AKT2: variants seen among roughly 807,000 people sequenced by gnomAD.
AKT2 encodes AKT serine/threonine kinase 2.
In AKT2, 16 loss-of-function variants were observed where a neutral mutation model predicts 58.6. The ratio of observed to expected loss-of-function variants is 0.27; its 90% confidence interval spans 0.18 to 0.41. AKT2 has a LOEUF of 0.41. Ranked by LOEUF, AKT2 falls within the 10% of genes least tolerant of loss-of-function variation. AKT2 has a pLI of 1.00. For synonymous variants in AKT2, 253 were observed against 254.0 expected (o/e 1.00, Z 0.04); for missense variants, 438 against 661.0 (o/e 0.66, Z 3.70).
intron 1 of AKT2, among the ~76,000 whole-genome samples, chr19:40,271,024 A>G (rs866294328): frequency 3.2e-4 from 45 of 142,570 alleles, no homozygotes; most frequent in South Asian, 1.3e-3. Flanking sequence ...AAAAACAGAC[A>G]AACAAACAAA....
intron 2 of AKT2, among the ~76,000 whole-genome samples, chr19:40,262,302 C>T (rs1976022282): frequency 6.6e-6 from 1 of 151,932 alleles, no homozygotes; most frequent in African/African-American, 2.4e-5. Context: ...AATTGTATTC[C>T]TATTTTGCGG....
chr19:40,259,484 A>T lies in AKT2; in HGVS notation c.47-2430T>A, dbSNP rs563372719. Among the ~76,000 whole-genome samples, 65 of 152,374 alleles carry T rather than the reference A, an allele frequency of 4.3e-4. No individual in the cohort carries two copies. The South Asian group carries it at 0.013, about 30-fold the overall frequency. ...ATATAAGAGCTAAAACTACAAAAAA[A>T]GTCTAAGAATACATGAGTAAATCTC... On this transcript the variant is annotated intron_variant, in intron 2 of 13. Coordinates refer to ENST00000392038, the MANE Select transcript of AKT2 (RefSeq NM_001626.6).
chr19:40,257,857 C>T (rs1479829720), intron 2 of AKT2, among the ~76,000 whole-genome samples: 3 of 152,034 alleles, frequency 2.0e-5, no homozygotes, highest in African/African-American at 7.3e-5. Context: ...GTGGAGGGAC[C>T]GTAACTTATG....
chr19:40,236,469 G>A (rs774683179), intron 9 of AKT2, 84 bp from the exon 10 acceptor site: 41 of 1,578,678 alleles, frequency 2.6e-5, no homozygotes, highest in African/African-American at 1.8e-4. Flanking sequence ...AAAGATGCCC[G>A]GGGCTCCTGG....
intron 6 of AKT2, 184 bp from the exon 7 acceptor site, chr19:40,240,294 T>C (rs1437301785): frequency 2.6e-6 from 2 of 780,662 alleles, no homozygotes; most frequent in Admixed American, 1.8e-5. Flanking sequence ...ACGAGGATCA[T>C]CAGTGGCTCT....
chr19:40,282,040 T>G (rs1274939922), intron 1 of AKT2, among the ~76,000 whole-genome samples: 1 of 152,136 alleles, frequency 6.6e-6, no homozygotes, highest in Non-Finnish European at 1.5e-5. Flanking sequence ...GTGCTCTCAC[T>G]CGCTTCCATA....
At chr19:40,268,917 G>A (rs62107590) in intron 1 of AKT2, 27,198 of 152,162 alleles carry the variant, frequency 0.18, 2,703 homozygotes, top group African/African-American at 0.25. Context: ...ACCTGAGGTC[G>A]GGAGTTCGAG....
chr19:40,268,211 G>A (rs1031567280), intron 1 of AKT2, among the ~76,000 whole-genome samples: 7 of 152,204 alleles, frequency 4.6e-5, no homozygotes, highest in Non-Finnish European at 8.8e-5. Context: ...GATGTGGAGG[G>A]AATAGAACAG....
At chr19:40,245,631 T>A (rs780083807) in intron 4 of AKT2, among the ~76,000 whole-genome samples, 49 of 152,158 alleles carry the variant, frequency 3.2e-4, no homozygotes, top group Non-Finnish European at 5.6e-4. Flanking sequence ...AAGGAGGAAC[T>A]GGGGCACAGA....
At position 40,265,365 on chromosome 19, in the gene AKT2, G is replaced by A. The variant is rs1976273039; in HGVS notation, c.-84-14C>T. ...ACAGGGCACAGTCTGCAAGACAAGA[G>A]AGGAGCTGGTCAGGGCGGGAGGGGA... On this transcript the variant is annotated splice_polypyrimidine_tract_variant and intron_variant, in intron 1 of 13. Coordinates refer to ENST00000392038, the MANE Select transcript of AKT2 (RefSeq NM_001626.6). 5 of 1,557,270 alleles carry A rather than the reference G, an allele frequency of 3.2e-6. No individual in the cohort carries two copies. Among genetic ancestry groups the A allele is most frequent in the Non-Finnish European group, 4.3e-6 (5 of 1,154,220 alleles).
At chr19:40,285,124 G>T in intron 1 of AKT2, 57 bp downstream of exon 1, 3 of 391,430 alleles carry the variant, frequency 7.7e-6, no homozygotes, top group Non-Finnish European at 1.4e-5. Flanking sequence ...CACCGCGGGG[G>T]GCCCGGACGC....
chr19:40,250,700 C>T (rs903724700), intron 4 of AKT2, among the ~76,000 whole-genome samples: 2 of 151,780 alleles, frequency 1.3e-5, no homozygotes, highest in Admixed American at 1.3e-4. Context: ...TGGTGGCAGG[C>T]GCCTGTAGTT....
intron 2 of AKT2, among the ~76,000 whole-genome samples, chr19:40,261,525 T>C: frequency 7.9e-6 from 1 of 126,926 alleles, no homozygotes. Context: ...AGAGCAAGAC[T>C]CCATCTCAAA....
chr19:40,239,236 A>G (rs1460572493), intron 7 of AKT2: 6 of 436,690 alleles, frequency 1.4e-5, no homozygotes, highest in Non-Finnish European at 2.1e-5. Context: ...GGAGAACTAG[A>G]GCTGTTCTGA....
intron 2 of AKT2, among the ~76,000 whole-genome samples, chr19:40,257,586 AACACACACACACAC>A (rs59835118): frequency 2.1e-5 from 3 of 146,124 alleles, no homozygotes; most frequent in South Asian, 2.2e-4. Flanking sequence ...TATGCACACA[AACACACACACACAC>A]ACACACACAC....
At position 40,236,281 on chromosome 19, in the gene AKT2, C is replaced by T. The variant is rs1446746546; in HGVS notation, c.936G>A (p.Gly312=). The change falls in exon 10 of 14, where the codon GGG becomes GGA. Residue 312 remains glycine, a synonymous_variant. Coordinates refer to ENST00000392038, the MANE Select transcript of AKT2 (RefSeq NM_001626.6). ...SDGATMKTFC[G]TPEYLAPEVL... ...CCTCAGGCGCCAGGTACTCCGGGGT[C>T]CCACAGAAGGTTTTCATGGTGGCCC... 2.5e-6 allele frequency: 4 copies of T among 1,614,050 alleles called. No homozygotes were observed. The South Asian group carries it at 3.3e-5, about 13-fold the overall frequency.
chr19:40,256,920 A>G lies in AKT2; in HGVS notation c.175+6T>C. On this transcript the variant is annotated splice_donor_region_variant and intron_variant, in intron 3 of 13. Coordinates refer to ENST00000392038, the MANE Select transcript of AKT2 (RefSeq NM_001626.6). ...AGAACACTGACCCACTCATCCCAAG[A>G]CACACCTGCTACGGAGAAGTTGTTT... 1 of 1,613,998 alleles carries G rather than the reference A, an allele frequency of 6.2e-7. No homozygotes were observed. The highest frequency in any genetic ancestry group is 1.7e-4 in the Middle Eastern group (1 of 6,060).
rs139125633 is a variant in AKT2 at position 40,255,163 on chromosome 19, G to A, written c.282C>T (p.Asp94=). The A allele has an allele frequency of 6.7e-4, 1,075 of 1,613,134 alleles. 6 individuals are homozygous for A. The East Asian group carries it at 8.2e-3, about 12-fold the overall frequency. The change falls in exon 4 of 14, where the codon GAC becomes GAT. Residue 94 remains aspartate (D), a synonymous_variant. Transcript: ENST00000392038. ...ACACAGAGGCCCAGACTGACCTCTC[G>A]TCTGGAGAATCCACGTGGAAGGTCC... The part of the protein sequence containing the change: ...IERTFHVDSP[D]EREEWMRAIQ...
chr19:40,267,897 T>C (rs1209018656), intron 1 of AKT2, among the ~76,000 whole-genome samples: 1 of 152,102 alleles, frequency 6.6e-6, no homozygotes, highest in African/African-American at 2.4e-5. Context: ...GATGTTAGCT[T>C]GGTGTGCGGG....
Sources: allele counts gnomAD v4.1 joint callset (sites outside exome capture counted in the v4.1 genomes callset), GRCh38; gene constraint gnomAD v4.1.1; transcripts MANE v1.5; gene names NCBI Gene and HGNC (gene_info 2026-07-23, HGNC 2026-07-21).